CIMAP1C: variants seen among roughly 807,000 people sequenced by gnomAD.
CIMAP1C encodes outer dense fiber of sperm tails 3 like 1.
the CIMAP1C span, chr15:75,724,134 C>A: frequency 1.9e-6 from 2 of 1,061,684 alleles, no homozygotes; most frequent in Non-Finnish European, 2.9e-6. Context: ...GGCAGGGATA[C>A]TCTAGCCCCT....
the CIMAP1C span, chr15:75,727,033 C>T: frequency 6.3e-7 from 1 of 1,598,044 alleles, no homozygotes; most frequent in East Asian, 2.2e-5. Context: ...CTCTGAGAGC[C>T]CTCCCTTCCC....
At chr15:75,725,017 C>T in the CIMAP1C span, 12 of 807,774 alleles carry the variant, frequency 1.5e-5, no homozygotes, top group Non-Finnish European at 1.3e-5. Context: ...GAACAAATAC[C>T]CCCAATGTTC....
At chr15:75,724,442 T>C in the CIMAP1C span, 1 of 708,510 alleles carries the variant, frequency 1.4e-6, no homozygotes, top group South Asian at 1.7e-5. Context: ...GCCTCCAAGC[T>C]GACCCTCACA....
the CIMAP1C span, chr15:75,727,183 G>A: frequency 1.4e-5 from 22 of 1,614,096 alleles, no homozygotes; most frequent in Middle Eastern, 6.6e-4. Context: ...ACCTCAACCC[G>A]GCTCCCAACC....
At chr15:75,727,182 C>G in the CIMAP1C span, 3 of 1,614,146 alleles carry the variant, frequency 1.9e-6, no homozygotes, top group South Asian at 3.3e-5. Context: ...GACCTCAACC[C>G]GGCTCCCAAC....
the CIMAP1C span, chr15:75,725,996 GC>G: frequency 7.3e-6 from 8 of 1,096,814 alleles, no homozygotes; most frequent in Non-Finnish European, 1.1e-5. Flanking sequence ...CTGGAGGCAG[GC>G]CAGGTGCTCA....
chr15:75,726,203 T>G, the CIMAP1C span: 2 of 1,369,082 alleles, frequency 1.5e-6, no homozygotes, highest in Non-Finnish European at 2.1e-6. Context: ...ATGTTGGGGG[T>G]TGGGAGGTTG....
At chr15:75,726,022 G>C in the CIMAP1C span, 2 of 1,448,256 alleles carry the variant, frequency 1.4e-6, no homozygotes, top group South Asian at 2.3e-5. Context: ...GGCAGCCTTT[G>C]GGGCTGACCA....
the CIMAP1C span, chr15:75,726,219 T>TGGGGGGGG: frequency 7.6e-6 from 5 of 653,616 alleles, no homozygotes; most frequent in Admixed American, 2.2e-5. Flanking sequence ...GGTTGGGGGG[T>TGGGGGGGG]GGGGTGCACC....
chr15:75,726,208 AGGTTGGGGGGTGGGG>A, the CIMAP1C span: 3 of 532,850 alleles, frequency 5.6e-6, no homozygotes, highest in Admixed American at 5.7e-5. Context: ...GGGGGTTGGG[AGGTTGGGGGGTGGGG>A]TGCACCCTTA....
At chr15:75,725,191 A>G in the CIMAP1C span, 1 of 1,613,706 alleles carries the variant, frequency 6.2e-7, no homozygotes, top group African/African-American at 1.3e-5. Flanking sequence ...ACCAGCTTAT[A>G]CCCTGCATAG....
chr15:75,727,634 C>G, the CIMAP1C span: 3 of 1,251,518 alleles, frequency 2.4e-6, no homozygotes, highest in South Asian at 4.3e-5. Flanking sequence ...GTAGCAGAGC[C>G]GGTACCTGCT....
chr15:75,724,421 A>G, the CIMAP1C span: 2 of 772,844 alleles, frequency 2.6e-6, no homozygotes, highest in Non-Finnish European at 4.5e-6. Flanking sequence ...GAAGCCTTAC[A>G]GAAGACCTGA....
the CIMAP1C span, chr15:75,727,110 C>T: frequency 6.2e-7 from 1 of 1,613,956 alleles, no homozygotes; most frequent in Non-Finnish European, 8.5e-7. Context: ...AAGATCCACC[C>T]ACCGGGGGAA....
chr15:75,725,232 C>G, the CIMAP1C span: 2 of 1,558,250 alleles, frequency 1.3e-6, no homozygotes, highest in South Asian at 2.2e-5. Context: ...AGCGTTGCCA[C>G]CCCAGTCATC....
the CIMAP1C span, chr15:75,725,297 T>C: frequency 8.9e-7 from 1 of 1,121,636 alleles, no homozygotes. Context: ...GGAGCCATTC[T>C]CTGTAGCCAC....
At chr15:75,726,138 C>T in the CIMAP1C span, 1 of 1,613,254 alleles carries the variant, frequency 6.2e-7, no homozygotes, top group Non-Finnish European at 8.5e-7. Context: ...CAGCTGCCCG[C>T]AGGTCCCCAT....
At chr15:75,725,570 GC>G in the CIMAP1C span, among the ~76,000 whole-genome samples, 261 of 152,328 alleles carry the variant, frequency 1.7e-3, 1 homozygote, top group Admixed American at 3.0e-3. Flanking sequence ...GGAAGTGGTG[GC>G]CCCCAGAGCT....
the CIMAP1C span, chr15:75,724,179 G>A: frequency 6.4e-7 from 1 of 1,551,816 alleles, no homozygotes; most frequent in East Asian, 2.2e-5. Flanking sequence ...AGCTGCTGCT[G>A]CTCCCTGCCC....
Sources: allele counts gnomAD v4.1 joint callset (sites outside exome capture counted in the v4.1 genomes callset), GRCh38; gene constraint gnomAD v4.1.1; transcripts MANE v1.5; gene names NCBI Gene and HGNC (gene_info 2026-07-23, HGNC 2026-07-21).